TBC1D3E: variants seen among roughly 807,000 people sequenced by gnomAD.
TBC1D3E encodes the protein Prostate cancer gene 17 protein.
For missense variants in TBC1D3E, 1 was observed against 29.6 expected, an observed-to-expected ratio of 0.03 and a Z score of 2.24; for synonymous variants, 1 against 12.7, an observed-to-expected ratio of 0.08 and a Z score of 1.96.
At chr17:38,128,254 C>G (rs1236579520) in intron 1 of TBC1D3E, among the ~76,000 whole-genome samples, 188 bp downstream of exon 1, 1 of 42,166 alleles carries the variant, frequency 2.4e-5, no homozygotes, top group African/African-American at 5.1e-5. Flanking sequence ...AGAGTGGGTG[C>G]TGTTCCCAAA....
chr17:38,125,768 AC>A, upstream of TBC1D3E, among the ~76,000 whole-genome samples: 1 of 1,176 alleles, frequency 8.5e-4, no homozygotes, highest in East Asian at 3.6e-3. Context: ...AGAAACCTAC[AC>A]AGTATGTCCT....
At chr17:38,135,182 A>C in intron 9 of TBC1D3E, among the ~76,000 whole-genome samples, 191 bp from the exon 10 acceptor site, 1 of 78,036 alleles carries the variant, frequency 1.3e-5, no homozygotes, top group African/African-American at 3.8e-5. Flanking sequence ...CTCCAGGGGA[A>C]CCTCCAGCCA....
At chr17:38,135,133 AAGTC>A (rs2036004794) in intron 9 of TBC1D3E, among the ~76,000 whole-genome samples, 1 of 127,686 alleles carries the variant, frequency 7.8e-6, no homozygotes, top group African/African-American at 2.8e-5. Flanking sequence ...CGTGGCCTGA[AAGTC>A]AGGCTTGCCC....
intron 7 of TBC1D3E, 60 bp from the exon 8 acceptor site, chr17:38,133,886 CA>C: frequency 1.0e-5 from 1 of 97,556 alleles, no homozygotes; most frequent in Non-Finnish European, 2.3e-5. Context: ...GCTTTGTAGA[CA>C]AAGTGAAATT....
intron 7 of TBC1D3E, among the ~76,000 whole-genome samples, chr17:38,133,696 G>GAA (rs761052458): frequency 1.6e-4 from 9 of 56,408 alleles, no homozygotes; most frequent in African/African-American, 3.1e-4. Context: ...TGTGCAAACT[G>GAA]AAAAAAAAAA....
At chr17:38,135,046 C>T (rs2036002516) in intron 9 of TBC1D3E, among the ~76,000 whole-genome samples, 1 of 139,684 alleles carries the variant, frequency 7.2e-6, no homozygotes, top group Admixed American at 7.3e-5. Context: ...ATCTCCCCAT[C>T]CCCTGTTCCC....
chr17:38,133,384 G>C (rs1482276545), intron 7 of TBC1D3E, among the ~76,000 whole-genome samples: 1 of 7,620 alleles, frequency 1.3e-4, no homozygotes, highest in African/African-American at 2.3e-4. Context: ...GGTGATGCCC[G>C]CACGAACGTG....
intron 1 of TBC1D3E, among the ~76,000 whole-genome samples, chr17:38,128,342 T>G (rs2035961757): frequency 2.1e-5 from 1 of 46,678 alleles, no homozygotes; most frequent in African/African-American, 4.6e-5. Flanking sequence ...GATCCTGAGT[T>G]TTGCTCTCAG....
At chr17:38,124,463 CT>C (rs1335078664), upstream of TBC1D3E, 1 of 68,222 alleles carries the variant, frequency 1.5e-5, no homozygotes, top group Non-Finnish European at 3.8e-5. Context: ...TTCAGTGTAT[CT>C]GATACTTGAG....
upstream of TBC1D3E, chr17:38,124,145 TAA>T (rs386386010): frequency 4.2e-3 from 476 of 112,684 alleles, no homozygotes; most frequent in South Asian, 7.0e-3. Flanking sequence ...GGGGATAAGG[TAA>T]AAAAAAAAAA....
chr17:38,127,761 G>A (rs1462303672), upstream of TBC1D3E, among the ~76,000 whole-genome samples: 6 of 55,232 alleles, frequency 1.1e-4, 3 homozygotes, highest in African/African-American at 2.5e-4. Context: ...CACACAACGT[G>A]CACAGATGTG....
At chr17:38,124,144 G>GT (rs1451770998), upstream of TBC1D3E, 1 of 156,874 alleles carries the variant, frequency 6.4e-6, no homozygotes, top group Non-Finnish European at 1.3e-5. Context: ...TGGGGATAAG[G>GT]TAAAAAAAAA....
chr17:38,135,099 CCCACCCAGTTCCGG>C (rs2036003911), intron 9 of TBC1D3E, among the ~76,000 whole-genome samples: 1 of 137,452 alleles, frequency 7.3e-6, no homozygotes, highest in Non-Finnish European at 1.6e-5. Context: ...AAGCCCAGCG[CCCACCCAGTTCCGG>C]CCACCCTGTC....
upstream of TBC1D3E, chr17:38,124,598 TA>T (rs1437650413): frequency 1.2e-5 from 1 of 80,312 alleles, no homozygotes; most frequent in Admixed American, 1.5e-4. Flanking sequence ...AACATGTATT[TA>T]ACCAAGTTCC....
At chr17:38,133,713 ATCAT>A (rs1199406063) in intron 7 of TBC1D3E, among the ~76,000 whole-genome samples, 1 of 68,984 alleles carries the variant, frequency 1.4e-5, no homozygotes, top group African/African-American at 4.1e-5. Flanking sequence ...AAAAAAAAAA[ATCAT>A]TCAGAGTGAA....
At chr17:38,127,799 G>A (rs1773093761), upstream of TBC1D3E, among the ~76,000 whole-genome samples, 2 of 58,640 alleles carry the variant, frequency 3.4e-5, no homozygotes, top group South Asian at 9.9e-4. Flanking sequence ...GTGCACGCAC[G>A]TGCACAAACA....
intron 7 of TBC1D3E, among the ~76,000 whole-genome samples, chr17:38,133,298 C>CT: frequency 7.3e-5 from 1 of 13,770 alleles, no homozygotes; most frequent in African/African-American, 1.2e-4. Context: ...CGGGGACGGC[C>CT]TTCAACACGG....
At chr17:38,124,205 GA>G (rs1388731007), upstream of TBC1D3E, 20 of 194,580 alleles carry the variant, frequency 1.0e-4, no homozygotes, top group Non-Finnish European at 1.4e-4. Context: ...AGTTTTGCAT[GA>G]AAAAAAGTCT....
upstream of TBC1D3E, among the ~76,000 whole-genome samples, chr17:38,127,328 TG>T (rs2035950444): frequency 9.5e-5 from 2 of 20,994 alleles, no homozygotes; most frequent in Non-Finnish European, 4.1e-4. Context: ...TTCTGGCCCC[TG>T]GAATTTGGCA....
Sources: gnomAD v4.1 joint callset for allele counts (sites outside exome capture counted in the v4.1 genomes callset) on GRCh38, gnomAD v4.1.1 for gene constraint, MANE v1.5 for transcripts, NCBI Gene and HGNC (gene_info 2026-07-23, HGNC 2026-07-21) for gene names.